PHF24: variants seen among roughly 807,000 people sequenced by gnomAD.
PHF24 encodes Galpha inhibitory interacting protein.
A neutral mutation model predicts 42.6 loss-of-function variants in PHF24; 25 were observed. That is an observed-to-expected ratio of 0.59 (90% CI 0.43 to 0.82). The LOEUF is 0.82. Ranked by LOEUF, PHF24 falls within the 40% of genes least tolerant of loss-of-function variation. PHF24 has a pLI of 0.00. For missense variants in PHF24, 470 were observed against 538.1 expected (o/e 0.87, Z 1.25); for synonymous variants, 185 against 204.8 (o/e 0.90, Z 0.83).
the PHF24 span, among the ~76,000 whole-genome samples, chr9:34,717,444 T>G: frequency 6.6e-6 from 1 of 152,106 alleles, no homozygotes; most frequent in Non-Finnish European, 1.5e-5. Context: ...TCAAAGAGTC[T>G]GAGAGTCAGG....
chr9:34,732,416 C>T, the PHF24 span, among the ~76,000 whole-genome samples: 1 of 152,046 alleles, frequency 6.6e-6, no homozygotes, highest in Admixed American at 6.5e-5. Flanking sequence ...TGAGAAATGT[C>T]TTCTTTTGAC....
At chr9:34,814,085 C>G in the PHF24 span, among the ~76,000 whole-genome samples, 25 of 152,292 alleles carry the variant, frequency 1.6e-4, no homozygotes, top group Non-Finnish European at 3.2e-4. Flanking sequence ...TTTTCTATCT[C>G]TCTTTTCTTC....
chr9:34,672,398 C>G, the PHF24 span, among the ~76,000 whole-genome samples: 1 of 152,074 alleles, frequency 6.6e-6, no homozygotes, highest in East Asian at 1.9e-4. Flanking sequence ...TTCTAGTGGC[C>G]ATATTTCTTG....
At chr9:34,894,285 C>T in the PHF24 span, among the ~76,000 whole-genome samples, 1 of 152,176 alleles carries the variant, frequency 6.6e-6, no homozygotes, top group African/African-American at 2.4e-5. Context: ...GCCCAGCCCC[C>T]CTGCCCTGGT....
the PHF24 span, among the ~76,000 whole-genome samples, chr9:34,732,640 T>G: frequency 6.6e-6 from 1 of 152,202 alleles, no homozygotes; most frequent in African/African-American, 2.4e-5. Context: ...ATTTGTCCAC[T>G]TTTGCTGCTT....
chr9:34,837,041 G>C, the PHF24 span: 1 of 470,858 alleles, frequency 2.1e-6, no homozygotes. Flanking sequence ...CTGGTGTTTA[G>C]AGACTGCAAA....
chr9:34,761,933 G>A, the PHF24 span, among the ~76,000 whole-genome samples: 2 of 152,064 alleles, frequency 1.3e-5, no homozygotes, highest in Admixed American at 6.6e-5. Context: ...ACCTATGAGT[G>A]AGAATATGCG....
the PHF24 span, among the ~76,000 whole-genome samples, chr9:34,790,920 G>C: frequency 1.3e-5 from 2 of 152,202 alleles, no homozygotes; most frequent in Admixed American, 6.5e-5. Flanking sequence ...AGTGTGACTG[G>C]ACTGATAATG....
chr9:34,710,005 G>A, the PHF24 span: 1 of 1,614,144 alleles, frequency 6.2e-7, no homozygotes, highest in East Asian at 2.2e-5. Flanking sequence ...GGTACCTTGG[G>A]TCCTGGGGAT....
chr9:34,721,280 C>G, the PHF24 span, among the ~76,000 whole-genome samples: 2 of 152,326 alleles, frequency 1.3e-5, no homozygotes, highest in African/African-American at 4.8e-5. Context: ...TGCTATGTCT[C>G]CAGTCTTTTT....
the PHF24 span, among the ~76,000 whole-genome samples, chr9:34,858,086 T>G: frequency 6.6e-6 from 1 of 152,114 alleles, no homozygotes; most frequent in Non-Finnish European, 1.5e-5. Context: ...TATTTACTTA[T>G]TTATTTATCT....
intron 1 of PHF24, among the ~76,000 whole-genome samples, chr9:34,962,401 T>G (rs1415407095): frequency 6.6e-5 from 10 of 151,988 alleles, no homozygotes; most frequent in Non-Finnish European, 1.5e-4. Flanking sequence ...CCTACTCATA[T>G]TCAAAATTTA....
the PHF24 span, among the ~76,000 whole-genome samples, chr9:34,782,129 C>T: frequency 1.1e-4 from 17 of 152,200 alleles, no homozygotes; most frequent in African/African-American, 2.4e-4. Flanking sequence ...CCAACTTGCA[C>T]GAGAGCTGGG....
the PHF24 span, among the ~76,000 whole-genome samples, chr9:34,760,562 C>T: frequency 6.6e-6 from 1 of 152,270 alleles, no homozygotes; most frequent in East Asian, 1.9e-4. Context: ...TGTCAGGCAG[C>T]AAAACCACCG....
At chr9:34,726,623 T>G in the PHF24 span, 2,048 of 1,551,950 alleles carry the variant, frequency 1.3e-3, no homozygotes, top group Admixed American at 1.6e-3. Context: ...TTGAAATTCC[T>G]GCCCTAGCTG....
chr9:34,790,840 TG>T, the PHF24 span, among the ~76,000 whole-genome samples: 1 of 152,146 alleles, frequency 6.6e-6, no homozygotes, highest in South Asian at 2.1e-4. Context: ...GCCAGTACCT[TG>T]GGCGAAAGAA....
the PHF24 span, among the ~76,000 whole-genome samples, chr9:34,839,260 G>A: frequency 8.5e-5 from 13 of 152,224 alleles, no homozygotes; most frequent in Non-Finnish European, 4.4e-5. Context: ...ATGAATGCCT[G>A]TAGAGATGGA....
At chr9:34,773,816 A>C in the PHF24 span, among the ~76,000 whole-genome samples, 1 of 152,172 alleles carries the variant, frequency 6.6e-6, no homozygotes, top group Non-Finnish European at 1.5e-5. Context: ...AGGTCGTAAA[A>C]AACAAGGAAT....
At chr9:34,772,818 G>A in the PHF24 span, among the ~76,000 whole-genome samples, 6 of 152,128 alleles carry the variant, frequency 3.9e-5, no homozygotes, top group African/African-American at 7.2e-5. Flanking sequence ...ATAACCTCAT[G>A]TTTAGCTTAA....
Sources: gnomAD v4.1 joint callset for allele counts (sites outside exome capture counted in the v4.1 genomes callset) on GRCh38, gnomAD v4.1.1 for gene constraint, MANE v1.5 for transcripts, NCBI Gene and HGNC (gene_info 2026-07-23, HGNC 2026-07-21) for gene names.